Variants in SLC35A3 observed in about 807,000 individuals in gnomAD.
The protein encoded by SLC35A3 is solute carrier family 35 member A3, also known as UDP-N-acetylglucosamine transporter.
Under a neutral mutation model 39.0 loss-of-function variants are expected in SLC35A3, and 26 were observed. The observed-to-expected ratio is 0.67, with a 90% CI of 0.49 to 0.92. The LOEUF (loss-of-function observed/expected upper bound fraction) is 0.92. Ranked by LOEUF, SLC35A3 falls within the 40% of genes least tolerant of loss-of-function variation. The pLI, the probability that SLC35A3 is intolerant of heterozygous loss-of-function variation, is 0.00. For synonymous variants in SLC35A3, 135 were observed against 133.1 expected (o/e 1.01, Z -0.10); for missense variants, 299 against 371.6 (o/e 0.80, Z 1.61).
chr1:99,990,823 G>C (rs72965769), intron 1 of SLC35A3, among the ~76,000 whole-genome samples: 13,905 of 152,172 alleles, frequency 0.091, 1,136 homozygotes, highest in African/African-American at 0.22. Context: ...ATTAGGTCAT[G>C]AAAGTGCAGC....
intron 1 of SLC35A3, among the ~76,000 whole-genome samples, chr1:99,974,334 C>T (rs11166384): frequency 0.22 from 33,420 of 151,926 alleles, 5,072 homozygotes; most frequent in African/African-American, 0.43. Flanking sequence ...CATACTATTA[C>T]TTATCACCAT....
Position 100,027,432 on chromosome 1 carries a change from A to G in SLC35A3, c.*4956A>G. On this transcript the variant is annotated 3_prime_UTR_variant, in exon 8 of 8. Coordinates refer to ENST00000533028, the MANE Select transcript of SLC35A3 (RefSeq NM_012243.3). ...ACACTACTGGACTCTAGCCTGAGTG[A>G]CAGTGAGACTCTGTCTCAAAAAACA... 1 of 374,808 alleles carries G rather than the reference A, an allele frequency of 2.7e-6. No homozygotes were observed. The allele number at this position is 374,808 out of a possible 1,614,324, so 23.2% of individuals were successfully genotyped here.
At chr1:99,999,485 T>C in intron 3 of SLC35A3, 70 bp downstream of exon 3, 2 of 1,003,342 alleles carry the variant, frequency 2.0e-6, no homozygotes. Flanking sequence ...TATATATTTA[T>C]GGGGTACATG....
chr1:99,999,161 A>G (rs1027032274), intron 2 of SLC35A3, 100 bp from the exon 3 acceptor site: 4 of 593,430 alleles, frequency 6.7e-6, no homozygotes, highest in African/African-American at 5.7e-5. Context: ...ATGTAGCTCA[A>G]TTTTGTTTTT....
At position 99,993,463 on chromosome 1, in the gene SLC35A3, C is replaced by G. The variant is rs1475336936; in HGVS notation, c.-18-74C>G. On this transcript the variant is annotated intron_variant, in intron 1 of 7. Transcript: ENST00000533028. ...CCTGCAGGCCCTCTCCCTTCTCCCT[C>G]TCGGTGTTTTTAAATATACTAGTTT... 12 of 1,256,936 alleles carry G rather than the reference C, an allele frequency of 9.5e-6. 1 individual carries two copies. The Admixed American group carries it at 1.1e-4, about 12-fold the overall frequency. 77.9% of individuals were successfully genotyped at this position (1,256,936 alleles called of 1,614,324 possible).
chr1:99,985,087 A>G (rs1462622779), intron 1 of SLC35A3, among the ~76,000 whole-genome samples: 1 of 151,602 alleles, frequency 6.6e-6, no homozygotes, highest in East Asian at 1.9e-4. Flanking sequence ...CATTTTAGTC[A>G]TCTATATTTG....
chr1:99,995,964 C>A (rs1658378082), intron 2 of SLC35A3, among the ~76,000 whole-genome samples: 1 of 152,200 alleles, frequency 6.6e-6, no homozygotes. Flanking sequence ...CAGAAGTATT[C>A]ACTGCATTTA....
At position 100,030,955 on chromosome 1, in the gene SLC35A3, C is replaced by G. The variant is rs571433123; in HGVS notation, c.*8479C>G. On this transcript the variant is annotated 3_prime_UTR_variant, in exon 8 of 8. Transcript: ENST00000533028. ...GCCCATGTTTCATTTTATAACTGTT[C>G]CAGTCATATTGCTATGAATTCTAGA... 6.6e-6 allele frequency: 1 copy of G among 152,080 alleles called. No homozygotes were observed. The highest frequency in any genetic ancestry group is 2.4e-5 in the African/African-American group (1 of 41,396). The allele number at this position is 152,080 out of a possible 1,614,324, so 9.4% of individuals were successfully genotyped here. A position where few individuals can be genotyped will look rare whatever the true frequency, so the allele number is the denominator to read the frequency against.
In SLC35A3 at chr1:99,993,687, G is replaced by C; in HGVS notation, c.133G>C (p.Val45Leu). ...PRYLSSTAVV[V>L]AELLKIMACI... ...TTATCTATCTTCTACAGCAGTGGTT[G>C]TTGCTGAACTTTTGAAGATAATGGC... is the stretch of plus-strand genomic sequence containing the variant. Residue 45 changes from valine to leucine, a missense_variant, in exon 2 of 8, where the codon GTT (valine) becomes CTT (leucine). Val to Leu is a conservative substitution (Grantham distance 32). Transcript: ENST00000533028. 1 of 1,613,934 alleles carries C rather than the reference G, an allele frequency of 6.2e-7. No homozygotes were observed. Among genetic ancestry groups the C allele is most frequent in the Non-Finnish European group, 8.5e-7 (1 of 1,179,944 alleles).
chr1:99,993,446 C>A, intron 1 of SLC35A3, 91 bp from the exon 2 acceptor site: 1 of 989,160 alleles, frequency 1.0e-6, no homozygotes, highest in Non-Finnish European at 1.5e-6. Flanking sequence ...GACCTGCAGG[C>A]CCTCTCCCTT....
In SLC35A3 at chr1:100,033,522, T is replaced by A. The variant is rs1661363416; in HGVS notation, c.*11046T>A. The A allele has an allele frequency of 6.6e-6, 1 of 152,188 alleles. No individual in the cohort carries two copies. The highest frequency in any genetic ancestry group is 2.1e-4 in the South Asian group (1 of 4,832). 9.4% of individuals were successfully genotyped at this position (152,188 alleles called of 1,614,324 possible). A position where few individuals can be genotyped will look rare whatever the true frequency, so the allele number is the denominator to read the frequency against. On this transcript the variant is annotated 3_prime_UTR_variant, in exon 8 of 8. Transcript: ENST00000533028. ...TGCATATTGCTGTACTTACTGTGCC[T>A]CTTTCACAACATGGGGTCTTTATAA... is the stretch of plus-strand genomic sequence containing the variant.
intron 7 of SLC35A3, chr1:100,018,027 C>A: frequency 5.8e-6 from 2 of 345,970 alleles, no homozygotes; most frequent in Non-Finnish European, 1.0e-5. Flanking sequence ...CAGAATTTTC[C>A]CAATAAATAG....
intron 7 of SLC35A3, among the ~76,000 whole-genome samples, chr1:100,019,282 A>G (rs1660367169): frequency 6.6e-6 from 1 of 152,118 alleles, no homozygotes; most frequent in Non-Finnish European, 1.5e-5. Flanking sequence ...TAGTTTGGCA[A>G]TGAGATGTAT....
chr1:100,024,229 C>G lies in SLC35A3; in HGVS notation c.*1753C>G, dbSNP rs1451321729. 6.6e-6 allele frequency: 1 copy of G among 151,950 alleles called. No homozygotes were observed. Among genetic ancestry groups the G allele is most frequent in the Non-Finnish European group, 1.5e-5 (1 of 67,994 alleles). The allele number at this position is 151,950 out of a possible 1,614,324, so 9.4% of individuals were successfully genotyped here. A position where few individuals can be genotyped will look rare whatever the true frequency, so the allele number is the denominator to read the frequency against. The stretch of plus-strand genomic sequence containing the variant: ...AATATGGGTTTAATTTAATTATTAA[C>G]TATAGACAGAATTACTTACTGAGTA... On this transcript the variant is annotated 3_prime_UTR_variant, in exon 8 of 8. Transcript: ENST00000533028.
intron 1 of SLC35A3, among the ~76,000 whole-genome samples, chr1:99,982,900 A>C (rs1158276267): frequency 6.6e-6 from 1 of 152,190 alleles, no homozygotes; most frequent in African/African-American, 2.4e-5. Flanking sequence ...AAGCAAGTTC[A>C]AGATCGATTA....
chr1:99,989,195 G>A (rs1657929918), intron 1 of SLC35A3, among the ~76,000 whole-genome samples: 2 of 152,056 alleles, frequency 1.3e-5, no homozygotes, highest in Non-Finnish European at 2.9e-5. Flanking sequence ...ATCTCATTGT[G>A]GTCTTAATTT....
At chr1:100,002,733 C>T (rs1658894267) in intron 3 of SLC35A3, among the ~76,000 whole-genome samples, 1 of 152,110 alleles carries the variant, frequency 6.6e-6, no homozygotes, top group African/African-American at 2.4e-5. Flanking sequence ...CCTCCCATCT[C>T]AGCCTCCTGA....
intron 1 of SLC35A3, among the ~76,000 whole-genome samples, chr1:99,991,842 G>A (rs973913659): frequency 1.3e-5 from 2 of 152,078 alleles, no homozygotes; most frequent in Non-Finnish European, 2.9e-5. Context: ...TTCACCTCCC[G>A]AGTTCAAGCT....
chr1:99,974,298 C>G (rs1212944199), intron 1 of SLC35A3, among the ~76,000 whole-genome samples: 1 of 151,948 alleles, frequency 6.6e-6, no homozygotes, highest in African/African-American at 2.4e-5. Context: ...ATTTATATTC[C>G]TTAATCATAA....
Sources: allele counts gnomAD v4.1 joint callset (sites outside exome capture counted in the v4.1 genomes callset), GRCh38; gene constraint gnomAD v4.1.1; transcripts MANE v1.5; gene names NCBI Gene and HGNC (gene_info 2026-07-23, HGNC 2026-07-21).